Variants in CDIN1 observed in about 807,000 individuals in gnomAD.
CDIN1 encodes CDAN1 interacting nuclease 1, also known as CDAN1-interacting nuclease 1.
In CDIN1, 33 loss-of-function variants were observed where a neutral mutation model predicts 45.3. The ratio of observed to expected loss-of-function variants is 0.73; its 90% CI spans 0.55 to 0.97. The LOEUF (loss-of-function observed/expected upper bound fraction) is 0.97. CDIN1 is among the 50% of genes least tolerant of loss of function. CDIN1 has a pLI of 0.00. For missense variants in CDIN1, 303 were observed against 339.4 expected (o/e 0.89, Z 0.84); for synonymous variants, 118 against 124.4 (o/e 0.95, Z 0.34).
At chr15:36,701,427 A>G (rs1408127530) in intron 8 of CDIN1, among the ~76,000 whole-genome samples, 2 of 152,112 alleles carry the variant, frequency 1.3e-5, no homozygotes, top group Non-Finnish European at 2.9e-5. Flanking sequence ...TTTTTTTAGC[A>G]GCTTTGGACA....
chr15:36,685,911 C>T (rs2042024942), intron 5 of CDIN1, among the ~76,000 whole-genome samples: 1 of 151,982 alleles, frequency 6.6e-6, no homozygotes, highest in Non-Finnish European at 1.5e-5. Flanking sequence ...CAGGAAACAA[C>T]AGGTGCTGGA....
chr15:36,704,021 T>C (rs2042773361), intron 8 of CDIN1, among the ~76,000 whole-genome samples: 1 of 152,204 alleles, frequency 6.6e-6, no homozygotes, highest in Admixed American at 6.5e-5. Context: ...ATCTTTTTAT[T>C]CTACTATGTT....
At chr15:36,672,130 T>G (rs2041473877) in intron 5 of CDIN1, among the ~76,000 whole-genome samples, 2 of 151,220 alleles carry the variant, frequency 1.3e-5, no homozygotes, top group Admixed American at 6.6e-5. Flanking sequence ...GTTTAAATTT[T>G]TAGAATTTCA....
At chr15:36,783,285 C>A (rs1049831306) in intron 10 of CDIN1, among the ~76,000 whole-genome samples, 4 of 151,902 alleles carry the variant, frequency 2.6e-5, no homozygotes, top group Admixed American at 2.6e-4. Flanking sequence ...CGCACACCAG[C>A]AGTTCGGCAG....
At chr15:36,758,825 A>G (rs1036695119) in intron 10 of CDIN1, among the ~76,000 whole-genome samples, 9 of 152,216 alleles carry the variant, frequency 5.9e-5, no homozygotes, top group African/African-American at 1.9e-4. Flanking sequence ...ACAGTATAAT[A>G]TCTGTTAAAC....
intron 1 of CDIN1, among the ~76,000 whole-genome samples, chr15:36,608,580 G>A (rs2038491664): frequency 6.6e-6 from 1 of 151,974 alleles, no homozygotes; most frequent in Non-Finnish European, 1.5e-5. Context: ...TTATATACGT[G>A]ATTTGCAAGT....
At chr15:36,725,551 T>C (rs1177988590) in intron 10 of CDIN1, among the ~76,000 whole-genome samples, 1 of 152,178 alleles carries the variant, frequency 6.6e-6, no homozygotes, top group Non-Finnish European at 1.5e-5. Context: ...TGAGGATTAC[T>C]TCTGAAGTGC....
chr15:36,609,238 A>C (rs2038531532), intron 1 of CDIN1, among the ~76,000 whole-genome samples: 1 of 151,802 alleles, frequency 6.6e-6, no homozygotes, highest in South Asian at 2.1e-4. Flanking sequence ...CTGGTCATAA[A>C]CTCCTGTTCT....
chr15:36,622,316 G>A (rs1458807735), intron 1 of CDIN1, among the ~76,000 whole-genome samples: 2 of 152,132 alleles, frequency 1.3e-5, no homozygotes, highest in Non-Finnish European at 2.9e-5. Flanking sequence ...GGGACAGTTG[G>A]ATCTGCTCTT....
At chr15:36,727,302 C>T (rs372576565) in intron 10 of CDIN1, among the ~76,000 whole-genome samples, 12 of 148,448 alleles carry the variant, frequency 8.1e-5, no homozygotes, top group South Asian at 2.1e-4. Context: ...GAAATGTAGA[C>T]GCTGTTTATC....
At chr15:36,599,698 G>C (rs1201314076) in intron 1 of CDIN1, among the ~76,000 whole-genome samples, 3 of 152,138 alleles carry the variant, frequency 2.0e-5, no homozygotes. Context: ...TTATATATTT[G>C]TGGGTTGGGG....
At chr15:36,721,354 T>A (rs2043410463) in intron 10 of CDIN1, among the ~76,000 whole-genome samples, 1 of 152,182 alleles carries the variant, frequency 6.6e-6, no homozygotes, top group South Asian at 2.1e-4. Flanking sequence ...TGTGGCTGTA[T>A]CTCACAAATA....
intron 5 of CDIN1, among the ~76,000 whole-genome samples, chr15:36,686,562 T>TAAAAAA (rs1259228473): frequency 1.1e-5 from 1 of 94,588 alleles, no homozygotes. Flanking sequence ...AGTATAATAA[T>TAAAAAA]AAAAAAAAAA....
chr15:36,793,348 G>A (rs538141848), intron 10 of CDIN1, among the ~76,000 whole-genome samples: 1 of 152,228 alleles, frequency 6.6e-6, no homozygotes, highest in Admixed American at 6.5e-5. Context: ...AGGGTGAGGG[G>A]GAGAGAGCAT....
chr15:36,665,051 G>C (rs577359585), intron 5 of CDIN1, among the ~76,000 whole-genome samples: 30 of 152,270 alleles, frequency 2.0e-4, no homozygotes, highest in African/African-American at 7.2e-4. Context: ...AGACAATTCA[G>C]ATGAAATTCT....
chr15:36,706,491 T>G (rs1032740018), intron 8 of CDIN1: 2 of 148,708 alleles, frequency 1.3e-5, no homozygotes, highest in Non-Finnish European at 3.0e-5. Context: ...CATGCACCTG[T>G]AATCCCAGCT....
chr15:36,626,839 G>A, intron 1 of CDIN1: 1 of 244,002 alleles, frequency 4.1e-6, no homozygotes, highest in Non-Finnish European at 8.2e-6. Context: ...TTTGCATAGG[G>A]GTCATGGCTA....
At chr15:36,661,308 C>T (rs995949957) in intron 5 of CDIN1, among the ~76,000 whole-genome samples, 20 of 152,152 alleles carry the variant, frequency 1.3e-4, no homozygotes, top group African/African-American at 4.8e-4. Flanking sequence ...ATCATGCCAT[C>T]AATCCAAGTG....
In CDIN1 at chr15:36,579,698, T is replaced by C. The variant is rs1210496314; in HGVS notation, c.-163T>C. On this transcript the variant is annotated 5_prime_UTR_variant, in exon 1 of 11. Coordinates refer to ENST00000566621, the MANE Select transcript of CDIN1 (RefSeq NM_001321759.2). ...GGGACCGGGCGAGTCTCCGCCCCGC[T>C]TTTGCAGCTAGGGGTGTGTTTCAGG... 6.9e-6 allele frequency: 4 copies of C among 582,950 alleles called. No individual in the cohort carries two copies. The highest frequency in any genetic ancestry group is 1.2e-5 in the Non-Finnish European group (4 of 333,218). 36.1% of individuals were successfully genotyped at this position (582,950 alleles called of 1,614,324 possible). A position where few individuals can be genotyped will look rare whatever the true frequency, so the allele number is the denominator to read the frequency against.
Sources: gnomAD v4.1 joint callset for allele counts (sites outside exome capture counted in the v4.1 genomes callset) on GRCh38, gnomAD v4.1.1 for gene constraint, MANE v1.5 for transcripts, NCBI Gene and HGNC (gene_info 2026-07-23, HGNC 2026-07-21) for gene names.